ETFRF1: variants seen among roughly 807,000 people sequenced by gnomAD.
The protein encoded by ETFRF1 is electron transfer flavoprotein regulatory factor 1.
Under a neutral mutation model 9.0 loss-of-function variants are expected in ETFRF1, and 12 were observed. The ratio of observed to expected loss-of-function variants is 1.34; its 90% CI spans 0.86 to 2.16. The LOEUF (loss-of-function observed/expected upper bound fraction) is 2.16, where lower values mean the gene tolerates loss of function less well. Among genes scored for constraint, ETFRF1 ranks in the 30% most tolerant of loss-of-function variants. The probability of loss-of-function intolerance (pLI) is 0.00; values close to 1 mark genes in which losing one functional copy is unlikely to be tolerated. For missense variants in ETFRF1, 98 were observed against 101.8 expected (o/e 0.96, Z 0.16); for synonymous variants, 34 against 33.2 (o/e 1.02, Z -0.08).
intron 1 of ETFRF1, among the ~76,000 whole-genome samples, chr12:25,197,393 A>G (rs370737111): frequency 1.3e-5 from 2 of 152,354 alleles, no homozygotes; most frequent in Non-Finnish European, 2.9e-5. Context: ...TATAGTTTGC[A>G]ATTCGAAATT....
rs977685427 is a variant in ETFRF1, at chr12:25,205,031, G to C, written c.*719G>C. On this transcript the variant is annotated 3_prime_UTR_variant, in exon 3 of 3. Coordinates refer to ENST00000381356, the MANE Select transcript of ETFRF1 (RefSeq NM_001001660.3). Reference sequence around the variant, plus strand: ...TGTTATCCTATTTTTTTGTCATAAAGGCAGATTTGTTTTGCATCTACTTCT... The same window carrying C: ...TGTTATCCTATTTTTTTGTCATAAACGCAGATTTGTTTTGCATCTACTTCT... 3.3e-5 allele frequency: 7 copies of C among 210,884 alleles called. No individual in the cohort carries two copies. The highest frequency in any genetic ancestry group is 6.8e-5 in the Non-Finnish European group (7 of 103,682). 13.1% of individuals were successfully genotyped at this position (210,884 alleles called of 1,614,324 possible). A position where few individuals can be genotyped will look rare whatever the true frequency, so the allele number is the denominator to read the frequency against.
chr12:25,199,218 ATT>A (rs891326769), intron 1 of ETFRF1, among the ~76,000 whole-genome samples: 13 of 149,352 alleles, frequency 8.7e-5, no homozygotes, highest in African/African-American at 2.4e-4. Context: ...TAGTATACAT[ATT>A]TTTGTTTCCA....
At chr12:25,203,847 A>T (rs190726416) in intron 1 of ETFRF1, 73 bp from the exon 2 acceptor site, 2 of 820,372 alleles carry the variant, frequency 2.4e-6, no homozygotes, top group Admixed American at 7.6e-5. Context: ...CCATTTTCTC[A>T]ATGTGTATAA....
chr12:25,197,386 A>G (rs1276754615), intron 1 of ETFRF1, among the ~76,000 whole-genome samples: 4 of 152,258 alleles, frequency 2.6e-5, no homozygotes, highest in Non-Finnish European at 5.9e-5. Context: ...AACAGGTTAT[A>G]GTTTGCAATT....
chr12:25,202,896 A>T (rs2141471451), intron 1 of ETFRF1, among the ~76,000 whole-genome samples: 1 of 152,300 alleles, frequency 6.6e-6, no homozygotes, highest in African/African-American at 2.4e-5. Context: ...TACAACACCT[A>T]AATCCGTATG....
rs1418969954 is a variant in ETFRF1, at chr12:25,203,904, A to AT, written c.-37-12dup. ...CTACAATGCAGCTAATTGCAAAAAA[A>AT]TTTTCCTTTCTTTAGGTATGTTATG... On this transcript the variant is annotated splice_polypyrimidine_tract_variant and intron_variant, in intron 1 of 2. Coordinates refer to ENST00000381356, the MANE Select transcript of ETFRF1 (RefSeq NM_001001660.3). 1 of 1,363,190 alleles carries AT rather than the reference A, an allele frequency of 7.3e-7. No homozygotes were observed. Among genetic ancestry groups the AT allele is most frequent in the African/African-American group, 1.5e-5 (1 of 67,106 alleles). 84.4% of individuals were successfully genotyped at this position (1,363,190 alleles called of 1,614,324 possible). A position where few individuals can be genotyped will look rare whatever the true frequency, so the allele number is the denominator to read the frequency against.
At position 25,204,300 on chromosome 12, in the gene ETFRF1, CAA is replaced by C; in HGVS notation, c.264_265del (p.Lys88AsnfsTer2). ...AACAACGCTATTATTCAGATACCAA[CAA>C]AACTAATTGATCATTACTACTTTAA... is the stretch of plus-strand genomic sequence containing the variant. Reference protein sequence around the residue: ...MKQRYYSDTNKTN With the variant: ...MKQRYYSDTNXTN On this transcript the variant is annotated frameshift_variant, in exon 3 of 3. Coordinates refer to ENST00000381356, the MANE Select transcript of ETFRF1 (RefSeq NM_001001660.3). 1 of 1,572,726 alleles carries C rather than the reference CAA, an allele frequency of 6.4e-7. No individual in the cohort carries two copies. Among genetic ancestry groups the C allele is most frequent in the Non-Finnish European group, 8.6e-7 (1 of 1,165,342 alleles).
At chr12:25,196,416 A>G (rs1006778470) in intron 1 of ETFRF1, among the ~76,000 whole-genome samples, 11 of 152,196 alleles carry the variant, frequency 7.2e-5, no homozygotes, top group Non-Finnish European at 1.3e-4. Context: ...ATCCCAAGTT[A>G]CCTTAAAATA....
At chr12:25,202,489 T>C (rs1474413459) in intron 1 of ETFRF1, among the ~76,000 whole-genome samples, 1 of 151,896 alleles carries the variant, frequency 6.6e-6, no homozygotes, top group African/African-American at 2.4e-5. Context: ...GCACAGGTTT[T>C]TGGAATGGGA....
At chr12:25,198,127 T>G (rs1951045360) in intron 1 of ETFRF1, among the ~76,000 whole-genome samples, 1 of 152,184 alleles carries the variant, frequency 6.6e-6, no homozygotes, top group Non-Finnish European at 1.5e-5. Flanking sequence ...TCTAAGTAAC[T>G]CTACCCCCTT....
chr12:25,205,095 A>C lies in ETFRF1; in HGVS notation c.*783A>C, dbSNP rs1951120348. On this transcript the variant is annotated 3_prime_UTR_variant, in exon 3 of 3. Transcript: ENST00000381356. ...AGTTTAAGCAAACACGCCTTTACATAATATCCACAGCACCTTTTAGAAATA... is the reference window on the plus strand; with the variant it reads ...AGTTTAAGCAAACACGCCTTTACATCATATCCACAGCACCTTTTAGAAATA... 1 of 215,612 alleles carries C rather than the reference A, an allele frequency of 4.6e-6. No individual in the cohort carries two copies. The highest frequency in any genetic ancestry group is 9.4e-6 in the Non-Finnish European group (1 of 106,656). 13.4% of individuals were successfully genotyped at this position (215,612 alleles called of 1,614,324 possible).
At chr12:25,202,326 T>C (rs1027716329) in intron 1 of ETFRF1, among the ~76,000 whole-genome samples, 1 of 150,626 alleles carries the variant, frequency 6.6e-6, no homozygotes, top group Non-Finnish European at 1.5e-5. Flanking sequence ...CTGGGGAAGG[T>C]GGGGGCGAGA....
At chr12:25,200,699 T>A (rs1951067501) in intron 1 of ETFRF1, among the ~76,000 whole-genome samples, 1 of 152,194 alleles carries the variant, frequency 6.6e-6, no homozygotes, top group Admixed American at 6.5e-5. Context: ...AGGGTCTCAT[T>A]TACCTTCCAT....
rs1592789466 is a variant in ETFRF1, at chr12:25,204,368, G to A, written c.*56G>A. ...CAGCTGTTTATGTATACCAGATGTT[G>A]TAAAATAATTCTAACTTAAAATGGG... On this transcript the variant is annotated 3_prime_UTR_variant, in exon 3 of 3. Coordinates refer to ENST00000381356, the MANE Select transcript of ETFRF1 (RefSeq NM_001001660.3). 3.0e-6 allele frequency: 4 copies of A among 1,343,256 alleles called. No homozygotes were observed. In the East Asian group the frequency reaches 7.3e-5, roughly 24 times the overall value. The allele number at this position is 1,343,256 out of a possible 1,614,324, so 83.2% of individuals were successfully genotyped here. A position where few individuals can be genotyped will look rare whatever the true frequency, so the allele number is the denominator to read the frequency against.
At position 25,197,148 on chromosome 12, in the gene ETFRF1, C is replaced by T. The variant is rs1239032139; in HGVS notation, c.-38+1811C>T. Among the ~76,000 whole-genome samples the T allele has an allele frequency of 3.4e-5, 5 of 147,124 alleles. No individual in the cohort carries two copies. The East Asian group carries it at 5.9e-4, about 17-fold the overall frequency. On this transcript the variant is annotated intron_variant, in intron 1 of 2. Coordinates refer to ENST00000381356, the MANE Select transcript of ETFRF1 (RefSeq NM_001001660.3). The stretch of plus-strand genomic sequence containing the variant: ...CAGCCGGGTCAACAGAGCAAGACTC[C>T]GTCTCAAAAAAAAAAAAAGATAAAC...
chr12:25,196,596 GA>G (rs539262322), intron 1 of ETFRF1, among the ~76,000 whole-genome samples: 1 of 152,140 alleles, frequency 6.6e-6, no homozygotes, highest in African/African-American at 2.4e-5. Context: ...ATGACAGGGG[GA>G]AAAAACTATC....
intron 1 of ETFRF1, among the ~76,000 whole-genome samples, chr12:25,199,275 A>G (rs1012826491): frequency 2.0e-5 from 3 of 149,112 alleles, no homozygotes; most frequent in Admixed American, 6.7e-5. Flanking sequence ...TATACTATAT[A>G]TATCTACTAT....
intron 1 of ETFRF1, among the ~76,000 whole-genome samples, chr12:25,200,289 A>G (rs538334745): frequency 6.6e-6 from 1 of 152,298 alleles, no homozygotes; most frequent in South Asian, 2.1e-4. Flanking sequence ...CCAAATAATA[A>G]AAGTTCCAGG....
Position 25,204,338 on chromosome 12 carries a change from A to G in ETFRF1, c.*26A>G, listed in dbSNP as rs758076695. The G allele has an allele frequency of 1.3e-6, 2 of 1,506,670 alleles. No homozygotes were observed. Among genetic ancestry groups the G allele is most frequent in the East Asian group, 4.6e-5 (2 of 43,862 alleles). 93.3% of individuals were successfully genotyped at this position (1,506,670 alleles called of 1,614,324 possible). On this transcript the variant is annotated 3_prime_UTR_variant, in exon 3 of 3. Coordinates refer to ENST00000381356, the MANE Select transcript of ETFRF1 (RefSeq NM_001001660.3). ...TCATTACTACTTTAATTTAGCTATC[A>G]GTGCCAGCTGTTTATGTATACCAGA...
Sources: allele counts gnomAD v4.1 joint callset (sites outside exome capture counted in the v4.1 genomes callset), GRCh38; gene constraint gnomAD v4.1.1; transcripts MANE v1.5; gene names NCBI Gene and HGNC (gene_info 2026-07-23, HGNC 2026-07-21).